The following FBXO34 variants were observed in gnomAD, a reference collection of about 807,000 sequenced individuals.
FBXO34 encodes F-box only protein 34.
FBXO34 carries 12 observed loss-of-function variants against 24.5 expected under a neutral mutation model. The observed-to-expected ratio is 0.49, with a 90% CI of 0.31 to 0.79. FBXO34 has a LOEUF of 0.79. Among genes scored for constraint, FBXO34 ranks in the 30% least tolerant of loss-of-function variants. FBXO34 has a pLI of 0.04. For missense variants in FBXO34, 823 were observed against 857.7 expected (o/e 0.96, Z 0.51); for synonymous variants, 320 against 311.9 (o/e 1.03, Z -0.27).
chr14:55,356,127 C>T (rs769544806), downstream of FBXO34, among the ~76,000 whole-genome samples: 2 of 152,180 alleles, frequency 1.3e-5, no homozygotes, highest in Non-Finnish European at 2.9e-5. Flanking sequence ...GTCCAATCAC[C>T]GCTTCTAACT....
At chr14:55,279,138 T>C (rs1881444082) in intron 1 of FBXO34, among the ~76,000 whole-genome samples, 1 of 152,022 alleles carries the variant, frequency 6.6e-6, no homozygotes, top group African/African-American at 2.4e-5. Context: ...AATACAAAAA[T>C]TAGCTGGGCA....
chr14:55,312,353 A>G (rs1396609910), intron 1 of FBXO34, among the ~76,000 whole-genome samples: 2 of 152,022 alleles, frequency 1.3e-5, no homozygotes, highest in Non-Finnish European at 2.9e-5. Context: ...AGAGGCTTTC[A>G]CGGGCTGGTC....
At chr14:55,380,876 T>TATATATATGTA in the FBXO34 span, among the ~76,000 whole-genome samples, 1 of 84,346 alleles carries the variant, frequency 1.2e-5, no homozygotes, top group South Asian at 3.9e-4. Flanking sequence ...TATATATATA[T>TATATATATGTA]TTTTTTTTTT....
At chr14:55,364,371 CTT>C (rs1401813817), downstream of FBXO34, among the ~76,000 whole-genome samples, 3 of 152,198 alleles carry the variant, frequency 2.0e-5, no homozygotes, top group African/African-American at 7.2e-5. Context: ...GTAAATAACT[CTT>C]TAGTTTACTA....
At chr14:55,432,197 C>T in the FBXO34 span, among the ~76,000 whole-genome samples, 16 of 148,040 alleles carry the variant, frequency 1.1e-4, no homozygotes, top group East Asian at 2.6e-3. Context: ...TACTTGAGCC[C>T]AGGAGTTCGA....
intron 1 of FBXO34, among the ~76,000 whole-genome samples, chr14:55,296,342 A>G (rs1594733415): frequency 7.0e-6 from 1 of 142,426 alleles, no homozygotes; most frequent in African/African-American, 2.6e-5. Context: ...TTAGTGAAGG[A>G]GTAGAGGGGT....
intron 3 of FBXO34, among the ~76,000 whole-genome samples, chr14:55,360,264 G>T (rs995392293): frequency 2.0e-4 from 30 of 152,088 alleles, no homozygotes; most frequent in African/African-American, 7.0e-4. Context: ...GTAGAGACGG[G>T]GTTTTACCAT....
chr14:55,320,465 G>A, intron 1 of FBXO34, among the ~76,000 whole-genome samples: 1 of 152,108 alleles, frequency 6.6e-6, no homozygotes, highest in East Asian at 1.9e-4. Context: ...AAAAAAATAA[G>A]TTTTGGCCAG....
At chr14:55,399,757 G>C in the FBXO34 span, among the ~76,000 whole-genome samples, 1 of 152,236 alleles carries the variant, frequency 6.6e-6, no homozygotes, top group East Asian at 1.9e-4. Context: ...CCATGCAAAG[G>C]ACTGACAGGG....
At chr14:55,386,656 T>C in the FBXO34 span, among the ~76,000 whole-genome samples, 1 of 152,162 alleles carries the variant, frequency 6.6e-6, no homozygotes, top group Non-Finnish European at 1.5e-5. Context: ...GTGAGGTATC[T>C]AGACACGCAT....
At chr14:55,302,970 C>T (rs527456428) in intron 1 of FBXO34, among the ~76,000 whole-genome samples, 5 of 152,240 alleles carry the variant, frequency 3.3e-5, no homozygotes, top group East Asian at 1.9e-4. Flanking sequence ...GCTTGTCAGC[C>T]GATCATGGGA....
chr14:55,387,939 G>T, the FBXO34 span, among the ~76,000 whole-genome samples: 4 of 152,162 alleles, frequency 2.6e-5, no homozygotes, highest in African/African-American at 9.7e-5. Flanking sequence ...TGGGATTATA[G>T]GCATGAGCCA....
downstream of FBXO34, among the ~76,000 whole-genome samples, chr14:55,373,887 G>A (rs1263839218): frequency 1.3e-5 from 2 of 152,060 alleles, no homozygotes; most frequent in African/African-American, 4.8e-5. Context: ...TCCCACCCAG[G>A]TTCCATGAAC....
chr14:55,307,651 A>G (rs1328552580), intron 1 of FBXO34, among the ~76,000 whole-genome samples: 5 of 152,240 alleles, frequency 3.3e-5, no homozygotes, highest in African/African-American at 1.2e-4. Flanking sequence ...ACATGAGCAA[A>G]GGTTTTTTTG....
chr14:55,314,013 C>T (rs919604436), intron 1 of FBXO34, among the ~76,000 whole-genome samples: 12 of 152,152 alleles, frequency 7.9e-5, no homozygotes, highest in Non-Finnish European at 7.3e-5. Flanking sequence ...AAGTGATCCT[C>T]CTAACTCAGC....
chr14:55,347,138 T>C (rs777479164), intron 1 of FBXO34, among the ~76,000 whole-genome samples: 3 of 152,180 alleles, frequency 2.0e-5, no homozygotes, highest in African/African-American at 4.8e-5. Context: ...CATTTTACTT[T>C]ATTGCAAGAG....
intron 1 of FBXO34, among the ~76,000 whole-genome samples, chr14:55,344,546 A>ATTTTTTTTTTTTTTTTT (rs3085086): frequency 1.4e-5 from 2 of 138,970 alleles, no homozygotes; most frequent in Non-Finnish European, 3.1e-5. Context: ...GTGTATGTGT[A>ATTTTTTTTTTTTTTTTT]TTTTTTTTTT....
At chr14:55,414,370 A>C in the FBXO34 span, 1 of 1,588,656 alleles carries the variant, frequency 6.3e-7, no homozygotes, top group South Asian at 1.2e-5. Flanking sequence ...GAGATGCTGA[A>C]TGATATGCTC....
At chr14:55,275,305 A>G (rs1436512353) in intron 1 of FBXO34, among the ~76,000 whole-genome samples, 1 of 152,242 alleles carries the variant, frequency 6.6e-6, no homozygotes, top group Non-Finnish European at 1.5e-5. Context: ...AGGTGTAAAT[A>G]TGAAACTAAG....
Sources: gnomAD v4.1 joint callset for allele counts (sites outside exome capture counted in the v4.1 genomes callset) on GRCh38, gnomAD v4.1.1 for gene constraint, MANE v1.5 for transcripts, NCBI Gene and HGNC (gene_info 2026-07-23, HGNC 2026-07-21) for gene names.